Variants in CTXN3 observed in about 807,000 individuals in gnomAD.
CTXN3 encodes cortexin 3, also known as cortexin-3.
In CTXN3, 4 loss-of-function variants were observed where a neutral mutation model predicts 5.0. That is an observed-to-expected ratio of 0.79 (90% CI 0.39 to 1.82). CTXN3 has a LOEUF of 1.82. CTXN3 is among the 40% of genes most tolerant of loss of function. CTXN3 has a pLI of 0.04. For missense variants in CTXN3, 89 were observed against 99.7 expected, an observed-to-expected ratio of 0.89 and a Z score of 0.46; for synonymous variants, 48 against 38.6, an observed-to-expected ratio of 1.24 and a Z score of -0.91.
intron 2 of CTXN3, among the ~76,000 whole-genome samples, chr5:127,655,258 C>T (rs998025915): frequency 4.6e-5 from 7 of 151,982 alleles, no homozygotes; most frequent in African/African-American, 1.2e-4. Flanking sequence ...AGCGAAACTC[C>T]GTCTCAAAAT....
rs569592242 is a variant in CTXN3 at position 127,658,409 on chromosome 5, A to C, written c.*642A>C. 7 of 167,568 alleles carry C rather than the reference A, an allele frequency of 4.2e-5. No homozygotes were observed. Among genetic ancestry groups the C allele is most frequent in the Admixed American group, 2.0e-4 (3 of 15,350 alleles). The allele number at this position is 167,568 out of a possible 1,614,324, so 10.4% of individuals were successfully genotyped here. On this transcript the variant is annotated 3_prime_UTR_variant, in exon 3 of 3. Coordinates refer to ENST00000379445, the MANE Select transcript of CTXN3 (RefSeq NM_001048252.3). Reference sequence around the variant, plus strand: ...AGTTTTAAAAACTATTTACCAAGCCAACTACATTATATGTATTCATATTAA... The same window carrying C: ...AGTTTTAAAAACTATTTACCAAGCCCACTACATTATATGTATTCATATTAA...
At chr5:127,656,871 G>C (rs1749919250) in intron 2 of CTXN3, among the ~76,000 whole-genome samples, 1 of 152,160 alleles carries the variant, frequency 6.6e-6, no homozygotes, top group Non-Finnish European at 1.5e-5. Flanking sequence ...GTGGAGCCCG[G>C]AGCCCAGAAC....
chr5:127,657,416 C>T lies in CTXN3; in HGVS notation c.-99-7C>T, dbSNP rs533768755. 1.5e-5 allele frequency: 20 copies of T among 1,298,562 alleles called. No homozygotes were observed. The South Asian group carries it at 2.8e-4, about 18-fold the overall frequency. The allele number at this position is 1,298,562 out of a possible 1,614,324, so 80.4% of individuals were successfully genotyped here. On this transcript the variant is annotated splice_polypyrimidine_tract_variant and splice_region_variant and intron_variant, in intron 2 of 2. Coordinates refer to ENST00000379445, the MANE Select transcript of CTXN3 (RefSeq NM_001048252.3). Reference sequence around the variant, plus strand: ...AGGTATTCCTTTCCCTTCCTTTTTCCCTGCAGATAACTCAGCCTCTCCAGA... The same window carrying T: ...AGGTATTCCTTTCCCTTCCTTTTTCTCTGCAGATAACTCAGCCTCTCCAGA...
intron 1 of CTXN3, among the ~76,000 whole-genome samples, chr5:127,650,144 G>T (rs746764641): frequency 7.9e-5 from 12 of 152,200 alleles, no homozygotes; most frequent in East Asian, 7.7e-4. Flanking sequence ...GAAGACAAAG[G>T]TCTCCTGCTG....
intron 1 of CTXN3, chr5:127,653,115 T>C (rs1749819902): frequency 6.6e-6 from 1 of 152,094 alleles, no homozygotes; most frequent in Middle Eastern, 3.2e-3. Flanking sequence ...AACGCCACTT[T>C]GAAAATTACT....
At chr5:127,653,534 C>T (rs961974371) in intron 2 of CTXN3, 111 bp downstream of exon 2, 14 of 152,070 alleles carry the variant, frequency 9.2e-5, no homozygotes, top group African/African-American at 3.1e-4. Context: ...CACAGATTTC[C>T]CTGGTCATCT....
rs781109503 is a variant in CTXN3, at chr5:127,657,793, G to A, written c.*26G>A. 6.2e-7 allele frequency: 1 copy of A among 1,612,886 alleles called. No individual in the cohort carries two copies. Among genetic ancestry groups the A allele is most frequent in the Non-Finnish European group, 8.5e-7 (1 of 1,179,196 alleles). Reference sequence around the variant, plus strand: ...GAGGGATGGTGTGGGATCTCCTCCTGAGGAGATGAAGTGCTTTGTGTCTTG... The same window carrying A: ...GAGGGATGGTGTGGGATCTCCTCCTAAGGAGATGAAGTGCTTTGTGTCTTG... On this transcript the variant is annotated 3_prime_UTR_variant, in exon 3 of 3. Transcript: ENST00000379445.
At chr5:127,654,283 T>A (rs1349917057) in intron 2 of CTXN3, among the ~76,000 whole-genome samples, 1 of 152,222 alleles carries the variant, frequency 6.6e-6, no homozygotes, top group Non-Finnish European at 1.5e-5. Flanking sequence ...GCTCATAATT[T>A]GGTATATCAG....
At chr5:127,656,002 T>C (rs1749899458) in intron 2 of CTXN3, among the ~76,000 whole-genome samples, 1 of 152,236 alleles carries the variant, frequency 6.6e-6, no homozygotes, top group Non-Finnish European at 1.5e-5. Context: ...CTATGATTAC[T>C]AATGCTGTAC....
At chr5:127,654,513 G>C (rs1415298552) in intron 2 of CTXN3, among the ~76,000 whole-genome samples, 1 of 152,206 alleles carries the variant, frequency 6.6e-6, no homozygotes, top group Non-Finnish European at 1.5e-5. Context: ...TGAAGAGGCA[G>C]ATATGGCAGA....
At chr5:127,650,948 C>T (rs1032445543) in intron 1 of CTXN3, among the ~76,000 whole-genome samples, 6 of 152,244 alleles carry the variant, frequency 3.9e-5, no homozygotes, top group African/African-American at 1.4e-4. Context: ...TATTTAGGCT[C>T]AGTATCAGGA....
Position 127,657,423 on chromosome 5 carries a change from A to T in CTXN3, c.-99A>T. ...CCTTTCCCTTCCTTTTTCCCTGCAG[A>T]TAACTCAGCCTCTCCAGAGTGCAGC... On this transcript the variant is annotated splice_region_variant and 5_prime_UTR_variant, in exon 3 of 3. Transcript: ENST00000379445. 7.3e-7 allele frequency: 1 copy of T among 1,378,444 alleles called. No individual in the cohort carries two copies. The highest frequency in any genetic ancestry group is 9.9e-7 in the Non-Finnish European group (1 of 1,005,452). 85.4% of individuals were successfully genotyped at this position (1,378,444 alleles called of 1,614,324 possible).
rs1749950414 is a variant in CTXN3 at position 127,657,774 on chromosome 5, T to C, written c.*7T>C. ...CGACCATGCCCTTGCTTAGGAGGGA[T>C]GGTGTGGGATCTCCTCCTGAGGAGA... is the stretch of plus-strand genomic sequence containing the variant. On this transcript the variant is annotated 3_prime_UTR_variant, in exon 3 of 3. Coordinates refer to ENST00000379445, the MANE Select transcript of CTXN3 (RefSeq NM_001048252.3). The C allele has an allele frequency of 1.2e-6, 2 of 1,613,836 alleles. No individual in the cohort carries two copies. The highest frequency in any genetic ancestry group is 3.3e-5 in the Admixed American group (2 of 59,994).
chr5:127,651,051 G>T (rs552067018), intron 1 of CTXN3, among the ~76,000 whole-genome samples: 19 of 152,276 alleles, frequency 1.2e-4, no homozygotes, highest in African/African-American at 4.3e-4. Flanking sequence ...GAGTAAGTTT[G>T]TCTCTGTTGG....
At position 127,657,934 on chromosome 5, in the gene CTXN3, G is replaced by A. The variant is rs1360984042; in HGVS notation, c.*167G>A. ...AGTTGGGTTAAAGACATTTGAGGAT[G>A]TTGGAAATGGACACTTATATAACTA... On this transcript the variant is annotated 3_prime_UTR_variant, in exon 3 of 3. Coordinates refer to ENST00000379445, the MANE Select transcript of CTXN3 (RefSeq NM_001048252.3). 5.2e-6 allele frequency: 4 copies of A among 774,950 alleles called. No individual in the cohort carries two copies. In the Admixed American group the frequency reaches 1.2e-4, roughly 23 times the overall value. 48.0% of individuals were successfully genotyped at this position (774,950 alleles called of 1,614,324 possible). A position where few individuals can be genotyped will look rare whatever the true frequency, so the allele number is the denominator to read the frequency against.
chr5:127,651,224 A>G (rs1479716961), intron 1 of CTXN3, among the ~76,000 whole-genome samples: 1 of 152,216 alleles, frequency 6.6e-6, no homozygotes, highest in Admixed American at 6.5e-5. Flanking sequence ...GGACAAGCCC[A>G]AGAGTGTCCT....
At chr5:127,656,858 A>G (rs76460863) in intron 2 of CTXN3, among the ~76,000 whole-genome samples, 2,236 of 152,298 alleles carry the variant, frequency 0.015, 54 homozygotes, top group African/African-American at 0.047. Context: ...GTTTTGCAGT[A>G]GAGTGGAGCC....
At chr5:127,654,687 T>C (rs954040145) in intron 2 of CTXN3, among the ~76,000 whole-genome samples, 10 of 152,192 alleles carry the variant, frequency 6.6e-5, no homozygotes, top group African/African-American at 2.4e-4. Context: ...GCATTTGCCC[T>C]GTATGGAAGA....
At chr5:127,651,413 C>T (rs566614131) in intron 1 of CTXN3, among the ~76,000 whole-genome samples, 34 of 152,154 alleles carry the variant, frequency 2.2e-4, no homozygotes, top group South Asian at 6.2e-4. Flanking sequence ...TGAGGGATGA[C>T]ACCTTCAATT....
Sources: gnomAD v4.1 joint callset for allele counts (sites outside exome capture counted in the v4.1 genomes callset) on GRCh38, gnomAD v4.1.1 for gene constraint, MANE v1.5 for transcripts, NCBI Gene and HGNC (gene_info 2026-07-23, HGNC 2026-07-21) for gene names.